CDH12: variants seen among roughly 807,000 people sequenced by gnomAD.
CDH12 encodes the protein cadherin 12, also known as cadherin-12.
In CDH12, 41 loss-of-function variants were observed where a neutral mutation model predicts 74.1. The observed-to-expected ratio is 0.55, with a 90% confidence interval of 0.43 to 0.72. The LOEUF is 0.72. Ranked by LOEUF, CDH12 falls within the 30% of genes least tolerant of loss-of-function variation. The pLI is 0.00. For synonymous variants in CDH12, 399 were observed against 355.0 expected (o/e 1.12, Z -1.39); for missense variants, 945 against 977.2 (o/e 0.97, Z 0.44).
intron 2 of CDH12, among the ~76,000 whole-genome samples, chr5:22,414,256 G>A: frequency 6.6e-6 from 1 of 151,820 alleles, no homozygotes; most frequent in Non-Finnish European, 1.5e-5. Context: ...ATTTGATTCT[G>A]CACTTATTTG....
chr5:22,174,850 T>C (rs1332551576), intron 4 of CDH12, among the ~76,000 whole-genome samples: 1 of 151,980 alleles, frequency 6.6e-6, no homozygotes, highest in East Asian at 1.9e-4. Flanking sequence ...TGCAAAGCTA[T>C]AAATTTTAAA....
chr5:22,762,829 C>G (rs1746297880), intron 1 of CDH12, among the ~76,000 whole-genome samples: 1 of 151,932 alleles, frequency 6.6e-6, no homozygotes. Flanking sequence ...ATTTGCTTTT[C>G]AAATAACAGT....
At chr5:22,527,412 G>C (rs944505300) in intron 1 of CDH12, among the ~76,000 whole-genome samples, 2 of 152,048 alleles carry the variant, frequency 1.3e-5, no homozygotes, top group African/African-American at 4.8e-5. Flanking sequence ...ATTATAACTA[G>C]GTCAAGGAAG....
Position 22,651,374 on chromosome 5 carries a change from C to G in CDH12, c.-522-146010G>C, listed in dbSNP as rs1739727115. Among the ~76,000 whole-genome samples, 4 of 152,070 alleles carry G rather than the reference C, an allele frequency of 2.6e-5. No individual in the cohort carries two copies. In the South Asian group the frequency reaches 8.3e-4, roughly 31 times the overall value. On this transcript the variant is annotated intron_variant, in intron 1 of 14. Coordinates refer to ENST00000382254, the MANE Select transcript of CDH12 (RefSeq NM_004061.5). The stretch of plus-strand genomic sequence containing the variant: ...AAGGAAGGGGGAGGCTTAATAGACT[C>G]ACAGTTCAGCATGGCTGGGGAGGCC...
chr5:22,000,403 A>G (rs1239966697), intron 5 of CDH12, among the ~76,000 whole-genome samples: 2 of 152,164 alleles, frequency 1.3e-5, no homozygotes, highest in Admixed American at 6.5e-5. Context: ...CTGAGTGCAA[A>G]TGATATCTGC....
intron 12 of CDH12, among the ~76,000 whole-genome samples, chr5:21,762,966 C>T (rs559813588): frequency 1.3e-5 from 2 of 151,404 alleles, no homozygotes; most frequent in South Asian, 2.1e-4. Context: ...CTTCAAACTC[C>T]CAAAACAACC....
At chr5:22,355,523 A>AT (rs1554034342) in intron 3 of CDH12, among the ~76,000 whole-genome samples, 11,007 of 83,852 alleles carry the variant, frequency 0.13, 547 homozygotes, top group East Asian at 0.27. Flanking sequence ...TTAAAAAAAA[A>AT]ATATATATAT....
chr5:22,592,458 A>C (rs903461201), intron 1 of CDH12, among the ~76,000 whole-genome samples: 10 of 151,884 alleles, frequency 6.6e-5, no homozygotes, highest in Non-Finnish European at 2.9e-5. Context: ...AATCATACAA[A>C]ATTAGTTTAC....
chr5:22,810,613 G>A (rs1195783698), intron 1 of CDH12, among the ~76,000 whole-genome samples: 3 of 152,010 alleles, frequency 2.0e-5, no homozygotes, highest in Non-Finnish European at 4.4e-5. Context: ...AATGGGCCAC[G>A]CACCTGTAAT....
chr5:22,347,231 T>C (rs1442290781), intron 3 of CDH12, among the ~76,000 whole-genome samples: 1 of 152,120 alleles, frequency 6.6e-6, no homozygotes, highest in Admixed American at 6.6e-5. Flanking sequence ...GTCAGTGAAC[T>C]GGGAGAGGGA....
Position 21,980,963 on chromosome 5 carries a change from C to T in CDH12, c.232-5578G>A, listed in dbSNP as rs182684487. Among the ~76,000 whole-genome samples, 388 of 152,194 alleles carry T rather than the reference C, an allele frequency of 2.5e-3. 1 individual carries two copies. Among genetic ancestry groups the T allele is most frequent in the African/African-American group, 8.9e-3 (369 of 41,554 alleles). ...TAAATTGCTAAATATCATAGGGAAT[C>T]GAAGAGTTTATAATCCTAAACCATA... On this transcript the variant is annotated intron_variant, in intron 5 of 14. Coordinates refer to ENST00000382254, the MANE Select transcript of CDH12 (RefSeq NM_004061.5).
At chr5:22,325,337 G>A (rs912125219) in intron 3 of CDH12, among the ~76,000 whole-genome samples, 16 of 152,012 alleles carry the variant, frequency 1.1e-4, no homozygotes, top group South Asian at 6.2e-4. Context: ...TAAAAAGCTC[G>A]CTCTTAGAGG....
Position 22,078,683 on chromosome 5 carries a change from A to C in CDH12, c.-7T>G. 1 of 1,613,102 alleles carries C rather than the reference A, an allele frequency of 6.2e-7. No individual in the cohort carries two copies. On this transcript the variant is annotated 5_prime_UTR_variant, in exon 5 of 15. Coordinates refer to ENST00000382254, the MANE Select transcript of CDH12 (RefSeq NM_004061.5). ...AACAGTTCCTTGTAAGCATTGGCAAAGGCTTTCCTACAGCAGAGTAATAAA... is the reference window on the plus strand; with the variant it reads ...AACAGTTCCTTGTAAGCATTGGCAACGGCTTTCCTACAGCAGAGTAATAAA...
At chr5:21,787,723 A>G (rs1296194110) in intron 10 of CDH12, among the ~76,000 whole-genome samples, 1 of 152,164 alleles carries the variant, frequency 6.6e-6, no homozygotes, top group East Asian at 1.9e-4. Context: ...TATTGGAGGA[A>G]TGAGAAAGCA....
At chr5:22,026,125 C>A (rs1321097326) in intron 5 of CDH12, among the ~76,000 whole-genome samples, 2 of 152,242 alleles carry the variant, frequency 1.3e-5, no homozygotes, top group East Asian at 3.9e-4. Context: ...ATGGTGATTC[C>A]TATCCAGAAG....
At chr5:21,847,236 C>A (rs1750223182) in intron 7 of CDH12, among the ~76,000 whole-genome samples, 1 of 152,104 alleles carries the variant, frequency 6.6e-6, no homozygotes, top group Non-Finnish European at 1.5e-5. Flanking sequence ...CAGAAATGTT[C>A]TTTCCAAGGG....
At position 22,299,424 on chromosome 5, in the gene CDH12, C is replaced by A. The variant is rs541377748; in HGVS notation, c.-332-86781G>T. ...TGTTTTGGAGTACTCAAGCTACTTGCAGACACATTTGTAAAAATTATAAAA... is the reference window on the plus strand; with the variant it reads ...TGTTTTGGAGTACTCAAGCTACTTGAAGACACATTTGTAAAAATTATAAAA... On this transcript the variant is annotated intron_variant, in intron 3 of 14. Coordinates refer to ENST00000382254, the MANE Select transcript of CDH12 (RefSeq NM_004061.5). 2.0e-5 allele frequency among the ~76,000 whole-genome samples: 3 copies of A among 152,252 alleles called. No individual in the cohort carries two copies. In the East Asian group the frequency reaches 5.8e-4, roughly 29 times the overall value.
rs552635501 is a variant in CDH12 at position 22,812,003 on chromosome 5, T to TA, written c.-523+41054dup. On this transcript the variant is annotated intron_variant, in intron 1 of 14. Coordinates refer to ENST00000382254, the MANE Select transcript of CDH12 (RefSeq NM_004061.5). ...TGGACACTGGCTCTTTAGGGGCAAA[T>TA]AAAAAAACATCTATGCCAACCTCCT... Among the ~76,000 whole-genome samples the TA allele has an allele frequency of 3.8e-3, 573 of 152,098 alleles. 7 individuals carry two copies. Among genetic ancestry groups the TA allele is most frequent in the African/African-American group, 0.013 (533 of 41,512 alleles).
chr5:22,588,569 A>G (rs188584220), intron 1 of CDH12, among the ~76,000 whole-genome samples: 400 of 152,340 alleles, frequency 2.6e-3, no homozygotes, highest in Non-Finnish European at 4.4e-3. Context: ...TCCGTACAAT[A>G]AACTGTTAAG....
Sources: gnomAD v4.1 joint callset for allele counts (sites outside exome capture counted in the v4.1 genomes callset) on GRCh38, gnomAD v4.1.1 for gene constraint, MANE v1.5 for transcripts, NCBI Gene and HGNC (gene_info 2026-07-23, HGNC 2026-07-21) for gene names.